Variants in CEP112 observed in about 807,000 individuals in gnomAD.
The protein encoded by CEP112 is centrosomal protein of 112 kDa.
CEP112 carries 127 observed loss-of-function variants against 153.0 expected under a neutral mutation model. The ratio of observed to expected loss-of-function variants is 0.83; its 90% CI spans 0.72 to 0.96. The LOEUF is 0.96. Among genes scored for constraint, CEP112 ranks in the 40% least tolerant of loss-of-function variants. The pLI is 0.00. For missense variants in CEP112, 1,089 were observed against 1,101.2 expected (o/e 0.99, Z 0.16); for synonymous variants, 358 against 374.4 (o/e 0.96, Z 0.51).
chr17:66,140,336 G>C (rs577803816), intron 4 of CEP112, among the ~76,000 whole-genome samples: 10 of 152,168 alleles, frequency 6.6e-5, no homozygotes, highest in Non-Finnish European at 1.3e-4. Context: ...ACAGTGAAAA[G>C]CTAAAAAAAG....
intron 19 of CEP112, among the ~76,000 whole-genome samples, chr17:65,905,257 G>GA (rs370411113): frequency 1.2e-3 from 181 of 151,298 alleles, no homozygotes; most frequent in African/African-American, 3.9e-3. Context: ...AAATTTACAA[G>GA]AAAAAAAACA....
At chr17:65,723,401 A>G (rs1232917004) in intron 23 of CEP112, among the ~76,000 whole-genome samples, 1 of 152,246 alleles carries the variant, frequency 6.6e-6, no homozygotes, top group Non-Finnish European at 1.5e-5. Flanking sequence ...TTTTTTAGGC[A>G]GCAATGAAAT....
At chr17:65,850,180 A>G (rs2057878458) in intron 21 of CEP112, among the ~76,000 whole-genome samples, 1 of 151,122 alleles carries the variant, frequency 6.6e-6, no homozygotes, top group Non-Finnish European at 1.5e-5. Flanking sequence ...AAAAAAAAGA[A>G]TATTTCCCTA....
intron 23 of CEP112, among the ~76,000 whole-genome samples, chr17:65,699,695 A>G (rs2048528643): frequency 6.6e-6 from 1 of 152,074 alleles, no homozygotes; most frequent in Non-Finnish European, 1.5e-5. Context: ...AGGCATGATC[A>G]TAGCACCCTA....
At chr17:66,181,648 C>T (rs2072726963) in intron 2 of CEP112, among the ~76,000 whole-genome samples, 1 of 152,116 alleles carries the variant, frequency 6.6e-6, no homozygotes, top group Admixed American at 6.5e-5. Flanking sequence ...AGCCACCGCG[C>T]TTGGCCCCTA....
At chr17:66,100,434 C>A (rs12451289) in intron 6 of CEP112, among the ~76,000 whole-genome samples, 144,494 of 144,530 alleles carry the variant, frequency 1, 72,243 homozygotes, top group Middle Eastern at 1. Context: ...AAAGAGTTGT[C>A]CAAGAGAGAA....
intron 24 of CEP112, among the ~76,000 whole-genome samples, chr17:65,651,079 C>A (rs1336028668): frequency 6.6e-6 from 1 of 152,088 alleles, no homozygotes; most frequent in African/African-American, 2.4e-5. Context: ...TCTTTTATTC[C>A]TCGCCCCCTT....
intron 24 of CEP112, among the ~76,000 whole-genome samples, chr17:65,661,320 T>G (rs2046374888): frequency 6.6e-6 from 1 of 152,226 alleles, no homozygotes; most frequent in Admixed American, 6.5e-5. Flanking sequence ...ATCTAACAGT[T>G]ACTGATTGAC....
chr17:66,033,425 C>A (rs2065578448), intron 12 of CEP112, among the ~76,000 whole-genome samples: 2 of 152,194 alleles, frequency 1.3e-5, no homozygotes, highest in African/African-American at 4.8e-5. Flanking sequence ...CTTCTCTTAT[C>A]ACTCAGAATA....
chr17:65,969,755 T>G (rs2062579624), intron 17 of CEP112, among the ~76,000 whole-genome samples: 1 of 152,106 alleles, frequency 6.6e-6, no homozygotes, highest in Admixed American at 6.5e-5. Flanking sequence ...ACACGAATGC[T>G]TATTACATGT....
chr17:65,731,483 T>C (rs1310024816), intron 23 of CEP112, among the ~76,000 whole-genome samples: 1 of 152,196 alleles, frequency 6.6e-6, no homozygotes, highest in Non-Finnish European at 1.5e-5. Context: ...TTGCTTTTGA[T>C]GCTGATGGCT....
chr17:65,959,360 A>G (rs1198477288), intron 18 of CEP112, among the ~76,000 whole-genome samples: 2 of 152,150 alleles, frequency 1.3e-5, no homozygotes, highest in African/African-American at 2.4e-5. Context: ...GAGCTGTTCT[A>G]TTGCTCAATG....
At chr17:66,101,015 T>C (rs1441122391) in intron 6 of CEP112, among the ~76,000 whole-genome samples, 4 of 152,166 alleles carry the variant, frequency 2.6e-5, no homozygotes, top group African/African-American at 9.6e-5. Context: ...GAATCAACTC[T>C]TGATACTGAG....
intron 18 of CEP112, among the ~76,000 whole-genome samples, chr17:65,931,751 G>C (rs973767268): frequency 3.9e-5 from 6 of 152,194 alleles, no homozygotes; most frequent in Admixed American, 3.9e-4. Flanking sequence ...AGGCTCAGAG[G>C]CAAGCCCAGA....
chr17:65,787,959 G>A (rs2054368568), intron 21 of CEP112, among the ~76,000 whole-genome samples: 1 of 152,158 alleles, frequency 6.6e-6, no homozygotes, highest in Non-Finnish European at 1.5e-5. Context: ...CTGTTGAACA[G>A]CAGCAGTGAT....
rs1220712360 is a variant in CEP112 at position 66,096,288 on chromosome 17, T to C, written c.731A>G (p.His244Arg). 2 of 1,613,516 alleles carry C rather than the reference T, an allele frequency of 1.2e-6. No homozygotes were observed. The highest frequency in any genetic ancestry group is 1.7e-5 in the Admixed American group (1 of 59,960). ...KFSLRKSSSF[H>R]DDHFLSRIRE... ...TATTCGAGAGAGAAAATGATCATCA[T>C]GGAAACTGCTGGATTTTCTCAGGCT... The change falls in exon 8 of 27, where the codon CAT becomes CGT. Residue 244 changes from histidine (H) to arginine (R), a missense_variant. By Grantham distance (29) the His-to-Arg change is conservative. Coordinates refer to ENST00000535342, the MANE Select transcript of CEP112 (RefSeq NM_001199165.4).
At chr17:65,970,483 G>GCATGCACACATGCATGTATATTACATT (rs1568314896) in intron 17 of CEP112, among the ~76,000 whole-genome samples, 1 of 68,440 alleles carries the variant, frequency 1.5e-5, no homozygotes, top group Non-Finnish European at 3.5e-5. Flanking sequence ...TATATTACAT[G>GCATGCACACATGCATGTATATTACATT]CATGCACACT....
At chr17:66,131,702 G>C (rs2070174829) in intron 5 of CEP112, among the ~76,000 whole-genome samples, 1 of 151,304 alleles carries the variant, frequency 6.6e-6, no homozygotes, top group African/African-American at 2.4e-5. Flanking sequence ...GATCATGCAG[G>C]TGCCACTGCA....
intron 24 of CEP112, among the ~76,000 whole-genome samples, chr17:65,684,303 T>C (rs2047678672): frequency 6.6e-6 from 1 of 152,240 alleles, no homozygotes; most frequent in African/African-American, 2.4e-5. Flanking sequence ...CTCTAAAGTA[T>C]TGTTTTTTTC....
Sources: gnomAD v4.1 joint callset for allele counts (sites outside exome capture counted in the v4.1 genomes callset) on GRCh38, gnomAD v4.1.1 for gene constraint, MANE v1.5 for transcripts, NCBI Gene and HGNC (gene_info 2026-07-23, HGNC 2026-07-21) for gene names.